Variants in FZD6 observed in about 807,000 individuals in gnomAD.
FZD6 encodes the protein frizzled-6.
Under a neutral mutation model 61.4 loss-of-function variants are expected in FZD6, and 49 were observed. The ratio of observed to expected loss-of-function variants is 0.80; its 90% confidence interval spans 0.63 to 1.01. The LOEUF (loss-of-function observed/expected upper bound fraction) is 1.01, where lower values mean the gene tolerates loss of function less well. Among genes scored for constraint, FZD6 ranks in the 50% least tolerant of loss-of-function variants. The probability of loss-of-function intolerance (pLI) is 0.00; values close to 1 mark genes in which losing one functional copy is unlikely to be tolerated. For synonymous variants in FZD6, 265 were observed against 292.2 expected, an observed-to-expected ratio of 0.91 and a Z score of 0.95; for missense variants, 724 against 848.2, an observed-to-expected ratio of 0.85 and a Z score of 1.82.
At position 103,300,202 on chromosome 8, in the gene FZD6, G is replaced by A. The variant is rs752048729; in HGVS notation, c.95G>A (p.Cys32Tyr). 2.5e-6 allele frequency: 4 copies of A among 1,606,090 alleles called. No individual in the cohort carries two copies. The highest frequency in any genetic ancestry group is 2.6e-6 in the Non-Finnish European group (3 of 1,172,666). The change falls in exon 2 of 7, where the codon TGT becomes TAT. Residue 32 changes from cysteine to tyrosine, a missense_variant. By Grantham distance (194) the Cys-to-Tyr change is radical (BLOSUM62 -2). Transcript: ENST00000358755. ...FTCEPITVPR[C>Y]MKMAYNMTFF... The stretch of plus-strand genomic sequence containing the variant: ...TGTGAACCAATTACTGTTCCCAGAT[G>A]TATGAAAATGGCCTACAACATGACG...
rs981105885 is a variant in FZD6 at position 103,318,863 on chromosome 8, G to A, written c.374+77G>A. 6.1e-6 allele frequency: 5 copies of A among 814,478 alleles called. No individual in the cohort carries two copies. The African/African-American group carries it at 8.4e-5, about 14-fold the overall frequency. 50.5% of individuals were successfully genotyped at this position (814,478 alleles called of 1,614,324 possible). A position where few individuals can be genotyped will look rare whatever the true frequency, so the allele number is the denominator to read the frequency against. Reference sequence around the variant, plus strand: ...TAGCTCTCTGGGATGTTAGTGAGAAGCTTTCATTATTTAATTCCATAAATG... The same window carrying A: ...TAGCTCTCTGGGATGTTAGTGAGAAACTTTCATTATTTAATTCCATAAATG... On this transcript the variant is annotated intron_variant, in intron 3 of 6. Coordinates refer to ENST00000358755, the MANE Select transcript of FZD6 (RefSeq NM_003506.4).
intron 2 of FZD6, 151 bp downstream of exon 2, chr8:103,300,435 C>G: frequency 1.4e-6 from 1 of 701,468 alleles, no homozygotes. Flanking sequence ...TTAAATCCCT[C>G]TACTGACTTA....
chr8:103,329,013 T>TTATTTATA (rs1554623450), intron 5 of FZD6, among the ~76,000 whole-genome samples: 1 of 115,178 alleles, frequency 8.7e-6, no homozygotes, highest in Admixed American at 1.0e-4. Context: ...CATTTTAGTT[T>TTATTTATA]TATATATATA....
intron 3 of FZD6, among the ~76,000 whole-genome samples, chr8:103,319,009 A>G (rs1039696424): frequency 2.6e-5 from 4 of 152,246 alleles, no homozygotes; most frequent in Non-Finnish European, 1.5e-5. Flanking sequence ...AGAGGGACAG[A>G]CAGTAATCAA....
rs151231292 is a variant in FZD6, at chr8:103,314,590, A to G, written c.178-4000A>G. Among the ~76,000 whole-genome samples the G allele has an allele frequency of 7.9e-5, 12 of 152,322 alleles. No homozygotes were observed. The East Asian group carries it at 2.1e-3, about 27-fold the overall frequency. ...ATAAAAGCAATAATATATGTCAACC[A>G]TGGCAACCCTGTCTCTGCTCAGTCA... is the stretch of plus-strand genomic sequence containing the variant. On this transcript the variant is annotated intron_variant, in intron 2 of 6. Coordinates refer to ENST00000358755, the MANE Select transcript of FZD6 (RefSeq NM_003506.4).
chr8:103,316,363 C>G (rs999271102), intron 2 of FZD6, among the ~76,000 whole-genome samples: 1 of 152,290 alleles, frequency 6.6e-6, no homozygotes. Context: ...GCCATCTGCC[C>G]TTCTGTCAAA....
upstream of FZD6, chr8:103,298,708 T>A (rs754146180): frequency 5.2e-4 from 78 of 150,972 alleles, no homozygotes; most frequent in Non-Finnish European, 4.0e-4. Context: ...CGGGGCCGGG[T>A]CCTGGCGGGC....
chr8:103,321,242 A>C (rs140822460), intron 3 of FZD6, among the ~76,000 whole-genome samples: 5 of 152,362 alleles, frequency 3.3e-5, no homozygotes, highest in African/African-American at 1.2e-4. Flanking sequence ...TGCTTGATAC[A>C]TTGAATTGGG....
At chr8:103,318,370 G>A (rs1165801395) in intron 2 of FZD6, among the ~76,000 whole-genome samples, 1 of 152,168 alleles carries the variant, frequency 6.6e-6, no homozygotes, top group Non-Finnish European at 1.5e-5. Context: ...ACTCTGGCAA[G>A]TGATTTCACT....
chr8:103,306,784 C>T (rs1254690051), intron 2 of FZD6, among the ~76,000 whole-genome samples: 2 of 151,970 alleles, frequency 1.3e-5, no homozygotes, highest in Non-Finnish European at 2.9e-5. Context: ...GGATTACAGG[C>T]GTGAGCCACC....
chr8:103,315,538 G>A (rs1019565003), intron 2 of FZD6, among the ~76,000 whole-genome samples: 5 of 152,116 alleles, frequency 3.3e-5, no homozygotes, highest in South Asian at 2.1e-4. Flanking sequence ...TTCCACTTAC[G>A]TAAAATTATA....
At position 103,329,816 on chromosome 8, in the gene FZD6, A is replaced by G. The variant is rs1160809849; in HGVS notation, c.1703A>G (p.His568Arg). 6.2e-7 allele frequency: 1 copy of G among 1,614,058 alleles called. No individual in the cohort carries two copies. Among genetic ancestry groups the G allele is most frequent in the Non-Finnish European group, 8.5e-7 (1 of 1,179,982 alleles). Reference sequence around the variant, plus strand: ...ACCAGCACAGGAGCTACAGCAAATCATGGCACTTCTGCAGTAGCAATTACT... The same window carrying G: ...ACCAGCACAGGAGCTACAGCAAATCGTGGCACTTCTGCAGTAGCAATTACT... ...MGTSTGATANHGTSAVAITSH... is the reference protein window; with the variant it reads ...MGTSTGATANRGTSAVAITSH... The change falls in exon 6 of 7, where the codon CAT becomes CGT. Residue 568 changes from histidine to arginine, a missense_variant. Coordinates refer to ENST00000358755, the MANE Select transcript of FZD6 (RefSeq NM_003506.4).
At chr8:103,326,647 C>T (rs1814958178) in intron 4 of FZD6, among the ~76,000 whole-genome samples, 1 of 149,376 alleles carries the variant, frequency 6.7e-6, no homozygotes, top group African/African-American at 2.5e-5. Flanking sequence ...TAAAAGATTG[C>T]TAAATTTGAC....
chr8:103,303,837 T>C (rs1445795756), intron 2 of FZD6, among the ~76,000 whole-genome samples: 1 of 152,218 alleles, frequency 6.6e-6, no homozygotes, highest in Non-Finnish European at 1.5e-5. Context: ...GCTTAAAGAA[T>C]TTGATTTTTA....
chr8:103,320,325 T>G (rs1316180383), intron 3 of FZD6, among the ~76,000 whole-genome samples: 1 of 152,064 alleles, frequency 6.6e-6, no homozygotes. Context: ...AATGTGTGGA[T>G]CTCATCTGGC....
chr8:103,325,092 C>T lies in FZD6; in HGVS notation c.986C>T (p.Ala329Val), dbSNP rs144742285. The change falls in exon 4 of 7, where the codon GCT becomes GTT. Residue 329 changes from alanine to valine, a missense_variant. Ala to Val is a moderately conservative substitution (Grantham distance 64). Transcript: ENST00000358755. ...GAGCAAAAAGCAGTGTGGTTTCATGCTGTTGCATGGGGAACACCAGGTTTC... is the reference window on the plus strand; with the variant it reads ...GAGCAAAAAGCAGTGTGGTTTCATGTTGTTGCATGGGGAACACCAGGTTTC... ...AIEQKAVWFH[A>V]VAWGTPGFLT... 61 of 1,614,140 alleles carry T rather than the reference C, an allele frequency of 3.8e-5. 1 individual carries two copies. The African/African-American group carries it at 7.7e-4, about 20-fold the overall frequency.
At chr8:103,327,891 GTT>G (rs1814999500) in intron 4 of FZD6, among the ~76,000 whole-genome samples, 1 of 152,006 alleles carries the variant, frequency 6.6e-6, no homozygotes, top group Admixed American at 6.6e-5. Context: ...GTTATGATGA[GTT>G]TAAATGTATT....
At chr8:103,309,034 A>C (rs1361450373) in intron 2 of FZD6, among the ~76,000 whole-genome samples, 1 of 152,230 alleles carries the variant, frequency 6.6e-6, no homozygotes, top group African/African-American at 2.4e-5. Flanking sequence ...ATTGAGGCAC[A>C]GAGCTGAAGA....
chr8:103,302,916 C>T (rs1226572534), intron 2 of FZD6, among the ~76,000 whole-genome samples: 1 of 152,146 alleles, frequency 6.6e-6, no homozygotes, highest in Non-Finnish European at 1.5e-5. Context: ...TATGATCGTT[C>T]CACTGCACTC....
Sources: gnomAD v4.1 joint callset for allele counts (sites outside exome capture counted in the v4.1 genomes callset) on GRCh38, gnomAD v4.1.1 for gene constraint, MANE v1.5 for transcripts, NCBI Gene and HGNC (gene_info 2026-07-23, HGNC 2026-07-21) for gene names.